PPP2R2B: variants seen among roughly 807,000 people sequenced by gnomAD.
PPP2R2B encodes serine/threonine-protein phosphatase 2A 55 kDa regulatory subunit B beta isoform.
In PPP2R2B, 5 loss-of-function variants were observed where a neutral mutation model predicts 46.0. The observed-to-expected ratio is 0.11, with a 90% CI of 0.06 to 0.23. PPP2R2B has a LOEUF of 0.23. Ranked by LOEUF, PPP2R2B falls within the 10% of genes least tolerant of loss-of-function variation. The pLI, the probability that PPP2R2B is intolerant of heterozygous loss-of-function variation, is 1.00. For synonymous variants in PPP2R2B, 215 were observed against 206.7 expected, an observed-to-expected ratio of 1.04 and a Z score of -0.34; for missense variants, 367 against 575.0, an observed-to-expected ratio of 0.64 and a Z score of 3.70.
chr5:147,080,985 A>T, intron 2 of PPP2R2B: 1 of 1,388,676 alleles, frequency 7.2e-7, no homozygotes, highest in Non-Finnish European at 9.8e-7. Context: ...GAAAGTAAAG[A>T]TGAAAGTTTT....
intron 2 of PPP2R2B, among the ~76,000 whole-genome samples, chr5:146,756,742 G>T (rs1007757308): frequency 1.3e-5 from 2 of 152,166 alleles, no homozygotes; most frequent in African/African-American, 2.4e-5. Context: ...AATTCATGTC[G>T]TGTACTTAAA....
intron 2 of PPP2R2B, among the ~76,000 whole-genome samples, chr5:146,800,560 C>A (rs1582132697): frequency 7.2e-6 from 1 of 138,172 alleles, no homozygotes; most frequent in South Asian, 2.2e-4. Flanking sequence ...GAGCTAAATA[C>A]CCTGATGGTA....
chr5:146,990,978 A>G (rs1051293317), intron 1 of PPP2R2B, among the ~76,000 whole-genome samples: 4 of 152,138 alleles, frequency 2.6e-5, no homozygotes, highest in Admixed American at 6.5e-5. Context: ...AATCTTGAAC[A>G]TCGTTAATCA....
intron 1 of PPP2R2B, among the ~76,000 whole-genome samples, chr5:147,023,845 A>G (rs1035698229): frequency 6.6e-6 from 1 of 152,098 alleles, no homozygotes; most frequent in Admixed American, 6.6e-5. Context: ...GAAAAAAAAA[A>G]AGTAGAGGAA....
chr5:146,761,079 G>A (rs570105874), intron 2 of PPP2R2B, among the ~76,000 whole-genome samples: 1 of 152,254 alleles, frequency 6.6e-6, no homozygotes, highest in African/African-American at 2.4e-5. Flanking sequence ...CTGTAAACTA[G>A]GTCAACCATT....
At chr5:146,878,803 C>T (rs1279088162), upstream of PPP2R2B, 1 of 1,279,672 alleles carries the variant, frequency 7.8e-7, no homozygotes, top group African/African-American at 1.6e-5. The surrounding 1 kb of genome is among the most constrained non-coding windows in gnomAD (Gnocchi z 4.5). Flanking sequence ...AGGCTCCTCC[C>T]AACCGCGTCA....
rs754121525 is a variant in PPP2R2B at position 146,614,886 on chromosome 5, AC to A, written c.791-14427del. Among the ~76,000 whole-genome samples the A allele has an allele frequency of 3.0e-3, 297 of 100,630 alleles. 2 individuals are homozygous for A. The highest frequency in any genetic ancestry group is 0.01 in the Middle Eastern group (2 of 198). The allele number at this position is 100,630 out of a possible 152,430, so 66.0% of individuals were successfully genotyped here. On this transcript the variant is annotated intron_variant, in intron 7 of 9. Coordinates refer to ENST00000394411, the MANE Select transcript of PPP2R2B (RefSeq NM_181675.4). ...GGAGAGGATGTGGAGAAATAGGAAC[AC>A]TTTTACACTGTTGGTGGGACTGTAA...
chr5:147,000,310 A>G (rs977755070), intron 1 of PPP2R2B, among the ~76,000 whole-genome samples: 3 of 152,066 alleles, frequency 2.0e-5, no homozygotes, highest in Admixed American at 6.6e-5. Context: ...TAGTTCAATC[A>G]CTGAACTAAA....
At chr5:146,858,810 G>T (rs151271570) in intron 2 of PPP2R2B, among the ~76,000 whole-genome samples, 1 of 152,056 alleles carries the variant, frequency 6.6e-6, no homozygotes, top group Non-Finnish European at 1.5e-5. Context: ...GTGCTTTAAG[G>T]CTTGCACCAC....
chr5:146,922,294 T>C (rs953979414), intron 1 of PPP2R2B: 1 of 152,232 alleles, frequency 6.6e-6, no homozygotes, highest in African/African-American at 2.4e-5. Flanking sequence ...TTATTGTTAG[T>C]ACTGTGTATC....
At chr5:146,629,731 C>T (rs1201468102) in intron 7 of PPP2R2B, among the ~76,000 whole-genome samples, 1 of 150,712 alleles carries the variant, frequency 6.6e-6, no homozygotes, top group Non-Finnish European at 1.5e-5. Context: ...CCCTCCCTCT[C>T]TTCCTCCCTT....
rs372359521 is a variant in PPP2R2B at position 146,636,249 on chromosome 5, C to T, written c.790+2002G>A. ...CGGGGTACCTGTATATATCCTTGGGCGTTAGGAAGAGGGGAGGATATGGGG... is the reference window on the plus strand; with the variant it reads ...CGGGGTACCTGTATATATCCTTGGGTGTTAGGAAGAGGGGAGGATATGGGG... On this transcript the variant is annotated intron_variant, in intron 7 of 9. Transcript: ENST00000394411. Among the ~76,000 whole-genome samples, 7 of 152,044 alleles carry T rather than the reference C, an allele frequency of 4.6e-5. No individual in the cohort carries two copies. The East Asian group carries it at 5.8e-4, about 13-fold the overall frequency.
chr5:147,001,179 G>A (rs1472360158), intron 1 of PPP2R2B, among the ~76,000 whole-genome samples: 1 of 152,136 alleles, frequency 6.6e-6, no homozygotes, highest in African/African-American at 2.4e-5. Flanking sequence ...GCCAAATAAG[G>A]GAATAAAAGC....
chr5:146,735,449 T>C (rs1242280807), intron 2 of PPP2R2B, among the ~76,000 whole-genome samples: 1 of 151,990 alleles, frequency 6.6e-6, no homozygotes, highest in Non-Finnish European at 1.5e-5. Flanking sequence ...AGTTATTACA[T>C]AATAATCCCA....
intron 1 of PPP2R2B, among the ~76,000 whole-genome samples, chr5:146,904,844 G>T (rs1582396533): frequency 6.6e-6 from 1 of 152,092 alleles, no homozygotes; most frequent in African/African-American, 2.4e-5. Flanking sequence ...ATTAACATGA[G>T]GAACCAGATA....
At chr5:146,955,778 T>A (rs1751867937) in intron 1 of PPP2R2B, among the ~76,000 whole-genome samples, 2 of 144,888 alleles carry the variant, frequency 1.4e-5, no homozygotes, top group Admixed American at 1.4e-4. Flanking sequence ...CTATTACTTT[T>A]TTTTTTTTTT....
chr5:146,808,976 TG>T (rs1757359175), intron 2 of PPP2R2B, among the ~76,000 whole-genome samples: 1 of 150,208 alleles, frequency 6.7e-6, no homozygotes, highest in Non-Finnish European at 1.5e-5. Flanking sequence ...TGTGTGTGTG[TG>T]TGTGTGTGTG....
At chr5:146,693,526 T>C (rs1779003347) in intron 4 of PPP2R2B, among the ~76,000 whole-genome samples, 1 of 152,172 alleles carries the variant, frequency 6.6e-6, no homozygotes, top group Non-Finnish European at 1.5e-5. Flanking sequence ...CAACTAGTAT[T>C]TCTTAAGCAA....
At chr5:147,051,034 C>T (rs949023291) in intron 1 of PPP2R2B, among the ~76,000 whole-genome samples, 6 of 152,006 alleles carry the variant, frequency 3.9e-5, no homozygotes, top group South Asian at 4.2e-4. Flanking sequence ...TGCACTAAAC[C>T]GGGATGCCAA....
Sources: gnomAD v4.1 joint callset for allele counts (sites outside exome capture counted in the v4.1 genomes callset) on GRCh38, gnomAD v4.1.1 for gene constraint, Gnocchi (gnomAD v3.1) non-coding constraint, MANE v1.5 for transcripts, NCBI Gene and HGNC (gene_info 2026-07-23, HGNC 2026-07-21) for gene names.